NOS1AP: variants seen among roughly 807,000 people sequenced by gnomAD.
NOS1AP encodes the protein carboxyl-terminal PDZ ligand of neuronal nitric oxide synthase protein.
NOS1AP carries 21 observed loss-of-function variants against 56.2 expected under a neutral mutation model. The observed-to-expected ratio is 0.37, with a 90% confidence interval of 0.26 to 0.54. The LOEUF (loss-of-function observed/expected upper bound fraction) is 0.54. NOS1AP is among the 20% of genes least tolerant of loss of function. NOS1AP has a pLI of 0.84. For synonymous variants in NOS1AP, 270 were observed against 274.6 expected, an observed-to-expected ratio of 0.98 and a Z score of 0.17; for missense variants, 522 against 657.8, an observed-to-expected ratio of 0.79 and a Z score of 2.26.
At chr1:162,142,058 T>C (rs1047022099) in intron 1 of NOS1AP, among the ~76,000 whole-genome samples, 7 of 152,164 alleles carry the variant, frequency 4.6e-5, no homozygotes, top group African/African-American at 1.4e-4. Flanking sequence ...ACAACAGTTA[T>C]ACCTTGGAGC....
rs528686675 is a variant in NOS1AP, at chr1:162,114,029, G to C, written c.106-40376G>C. 3.3e-5 allele frequency among the ~76,000 whole-genome samples: 5 copies of C among 152,346 alleles called. No individual in the cohort carries two copies. The East Asian group carries it at 5.8e-4, about 18-fold the overall frequency. On this transcript the variant is annotated intron_variant, in intron 1 of 9. Coordinates refer to ENST00000361897, the MANE Select transcript of NOS1AP (RefSeq NM_014697.3). ...CAACAATGGGAGAATGTTTCCCGTGGTGGTGTGGTAAATATGGCTTCCTTG... is the reference window on the plus strand; with the variant it reads ...CAACAATGGGAGAATGTTTCCCGTGCTGGTGTGGTAAATATGGCTTCCTTG...
At position 162,367,803 on chromosome 1, in the gene NOS1AP, TCCCACGC is replaced by T; in HGVS notation, c.*337_*343del. 1 of 293,814 alleles carries T rather than the reference TCCCACGC, an allele frequency of 3.4e-6. No homozygotes were observed. Among genetic ancestry groups the T allele is most frequent in the Non-Finnish European group, 6.4e-6 (1 of 155,522 alleles). The allele number at this position is 293,814 out of a possible 1,614,324, so 18.2% of individuals were successfully genotyped here. On this transcript the variant is annotated 3_prime_UTR_variant, in exon 10 of 10. Coordinates refer to ENST00000361897, the MANE Select transcript of NOS1AP (RefSeq NM_014697.3). This position sits in a 1 kb window ranked among gnomAD's most constrained non-coding sequence, Gnocchi z 6.5. Reference sequence around the variant, plus strand: ...GCCCCTACCTGCTGCATCGTCAGGCTCCCACGCTTTGTCCGTGATGCCCCCCTACCCC... The same window carrying T: ...GCCCCTACCTGCTGCATCGTCAGGCTTTTGTCCGTGATGCCCCCCTACCCC...
At chr1:162,232,187 G>C (rs1244319964) in intron 2 of NOS1AP, among the ~76,000 whole-genome samples, 2 of 152,186 alleles carry the variant, frequency 1.3e-5, no homozygotes, top group African/African-American at 2.4e-5. Flanking sequence ...GCAAACCTGG[G>C]TTTGTAAAGT....
chr1:162,296,277 C>T (rs531541084), intron 3 of NOS1AP, among the ~76,000 whole-genome samples: 1 of 152,204 alleles, frequency 6.6e-6, no homozygotes, highest in South Asian at 2.1e-4. Context: ...CAGAGCGAGA[C>T]TCTGTCTCAA....
At chr1:162,152,222 C>A (rs1030209462) in intron 1 of NOS1AP, among the ~76,000 whole-genome samples, 1 of 152,174 alleles carries the variant, frequency 6.6e-6, no homozygotes, top group Admixed American at 6.5e-5. Context: ...CTTTCCTGGT[C>A]TGCAGGGATC....
intron 3 of NOS1AP, among the ~76,000 whole-genome samples, chr1:162,298,199 C>T (rs928555271): frequency 1.3e-5 from 2 of 152,244 alleles, no homozygotes; most frequent in East Asian, 3.8e-4. Flanking sequence ...CCCAACACCC[C>T]CTCCAGGTGG....
At chr1:162,165,058 A>C (rs1450444402) in intron 2 of NOS1AP, among the ~76,000 whole-genome samples, 1 of 152,220 alleles carries the variant, frequency 6.6e-6, no homozygotes, top group East Asian at 1.9e-4. Flanking sequence ...GTGGTGGCTC[A>C]CACCTGTAAT....
intron 4 of NOS1AP, among the ~76,000 whole-genome samples, chr1:162,308,025 G>C (rs1013357342): frequency 6.6e-6 from 1 of 152,160 alleles, no homozygotes; most frequent in Admixed American, 6.5e-5. Context: ...TCAGGAGACA[G>C]AAACCAGGCA....
intron 6 of NOS1AP, among the ~76,000 whole-genome samples, chr1:162,353,769 C>T (rs970706484): frequency 2.6e-5 from 4 of 152,112 alleles, no homozygotes; most frequent in African/African-American, 9.7e-5. Context: ...CATGGAGAAC[C>T]AAACGCTTAG....
intron 4 of NOS1AP, among the ~76,000 whole-genome samples, chr1:162,322,796 C>G (rs365522): frequency 0.54 from 81,887 of 152,068 alleles, 24,760 homozygotes; most frequent in Non-Finnish European, 0.69. Context: ...AAAATCCAGG[C>G]TTTCCAGGTG....
chr1:162,070,652 G>A (rs1196521097), intron 1 of NOS1AP, among the ~76,000 whole-genome samples: 1 of 152,204 alleles, frequency 6.6e-6, no homozygotes, highest in Non-Finnish European at 1.5e-5. Flanking sequence ...GGAAGCTCTG[G>A]TGTTATTTAC....
chr1:162,269,678 T>A (rs1486693812), intron 2 of NOS1AP, among the ~76,000 whole-genome samples: 2 of 152,224 alleles, frequency 1.3e-5, no homozygotes, highest in Non-Finnish European at 2.9e-5. Context: ...AGAAGATCCT[T>A]TGATTTGGGC....
chr1:162,203,785 G>A (rs779550837), intron 2 of NOS1AP, among the ~76,000 whole-genome samples: 1 of 152,134 alleles, frequency 6.6e-6, no homozygotes, highest in Admixed American at 6.5e-5. Context: ...CTTCTGAAAG[G>A]GGTTATCACA....
At chr1:162,154,245 A>T (rs919799838) in intron 1 of NOS1AP, among the ~76,000 whole-genome samples, 160 bp from the exon 2 acceptor site, 1 of 152,216 alleles carries the variant, frequency 6.6e-6, no homozygotes, top group Non-Finnish European at 1.5e-5. Context: ...CTTGCTTTTT[A>T]TAAAGTTAGA....
At chr1:162,194,222 T>C (rs1651729986) in intron 2 of NOS1AP, among the ~76,000 whole-genome samples, 1 of 152,186 alleles carries the variant, frequency 6.6e-6, no homozygotes, top group South Asian at 2.1e-4. Flanking sequence ...CTCTCTTCTC[T>C]TCATCTCTCT....
At chr1:162,274,906 C>T (rs575610063) in intron 2 of NOS1AP, among the ~76,000 whole-genome samples, 3 of 152,212 alleles carry the variant, frequency 2.0e-5, no homozygotes, top group Admixed American at 6.5e-5. Context: ...TTTTTTACTT[C>T]GGGTGTTGTC....
At chr1:162,119,060 AT>A (rs1422692862) in intron 1 of NOS1AP, among the ~76,000 whole-genome samples, 2 of 152,346 alleles carry the variant, frequency 1.3e-5, no homozygotes, top group Admixed American at 6.5e-5. Context: ...TAATTTTGCC[AT>A]CATCTGCTGC....
intron 1 of NOS1AP, among the ~76,000 whole-genome samples, chr1:162,089,744 G>C (rs1263620512): frequency 6.6e-6 from 1 of 152,172 alleles, no homozygotes; most frequent in Non-Finnish European, 1.5e-5. Flanking sequence ...GGAGTGATGT[G>C]GCCACAGCCA....
intron 1 of NOS1AP, among the ~76,000 whole-genome samples, chr1:162,128,728 T>G (rs565620036): frequency 6.6e-6 from 1 of 152,312 alleles, no homozygotes; most frequent in Non-Finnish European, 1.5e-5. Flanking sequence ...TGCAAGGTAA[T>G]TTGTTAGCCT....
Sources: gnomAD v4.1 joint callset for allele counts (sites outside exome capture counted in the v4.1 genomes callset) on GRCh38, gnomAD v4.1.1 for gene constraint, Gnocchi (gnomAD v3.1) non-coding constraint, MANE v1.5 for transcripts, NCBI Gene and HGNC (gene_info 2026-07-23, HGNC 2026-07-21) for gene names.